Variants in MIDEAS observed in about 807,000 individuals in gnomAD.
The protein encoded by MIDEAS is mitotic deacetylase-associated SANT domain protein.
Under a neutral mutation model 102.7 loss-of-function variants are expected in MIDEAS, and 26 were observed. The observed-to-expected ratio is 0.25, with a 90% CI of 0.19 to 0.35. The LOEUF is 0.35. Among genes scored for constraint, MIDEAS ranks in the 10% least tolerant of loss-of-function variants. The probability of loss-of-function intolerance (pLI) is 1.00; values close to 1 mark genes in which losing one functional copy is unlikely to be tolerated. For missense variants in MIDEAS, 1,231 were observed against 1,435.6 expected (o/e 0.86, Z 2.30); for synonymous variants, 585 against 591.0 (o/e 0.99, Z 0.15).
At position 73,726,723 on chromosome 14, in the gene MIDEAS, C is replaced by G. The variant is rs771554444; in HGVS notation, c.2306-16G>C. On this transcript the variant is annotated splice_polypyrimidine_tract_variant and intron_variant, in intron 6 of 12. Transcript: ENST00000423556. Reference sequence around the variant, plus strand: ...AGGTCTTCCACTGGATCCACAGGAGCATGAGGAGGGAGGGGAGGAAACCAC... The same window carrying G: ...AGGTCTTCCACTGGATCCACAGGAGGATGAGGAGGGAGGGGAGGAAACCAC... 4.3e-6 allele frequency: 7 copies of G among 1,613,906 alleles called. No homozygotes were observed. The Admixed American group carries it at 1.2e-4, about 27-fold the overall frequency.
At chr14:73,744,055 A>C (rs2053317826) in intron 1 of MIDEAS, among the ~76,000 whole-genome samples, 1 of 146,712 alleles carries the variant, frequency 6.8e-6, no homozygotes, top group African/African-American at 2.7e-5. Flanking sequence ...TGCACCAGGA[A>C]AAAAAAATAA....
chr14:73,727,230 C>G (rs2140103424), intron 5 of MIDEAS: 1 of 630,036 alleles, frequency 1.6e-6, no homozygotes, highest in South Asian at 2.0e-5. Context: ...CCTTTCAACT[C>G]TCCTAGAGAT....
intron 2 of MIDEAS, 97 bp downstream of exon 2, chr14:73,738,463 G>A (rs2053232443): frequency 4.9e-6 from 7 of 1,415,700 alleles, no homozygotes; most frequent in African/African-American, 1.5e-5. Flanking sequence ...CTAGGGCAAA[G>A]TCTGGCTTTC....
upstream of MIDEAS, among the ~76,000 whole-genome samples, chr14:73,761,300 C>T (rs900523629): frequency 2.3e-4 from 35 of 152,322 alleles, no homozygotes; most frequent in African/African-American, 8.4e-4. Context: ...CTCACACACT[C>T]ACTGGGCCTA....
chr14:73,751,296 A>C (rs1056055230), intron 1 of MIDEAS, among the ~76,000 whole-genome samples: 5 of 152,160 alleles, frequency 3.3e-5, no homozygotes, highest in East Asian at 1.9e-4. Flanking sequence ...TTCCTCCCCC[A>C]AGAGTTTCAG....
chr14:73,720,689 A>G (rs909605112), intron 11 of MIDEAS, among the ~76,000 whole-genome samples: 2 of 152,188 alleles, frequency 1.3e-5, no homozygotes, highest in African/African-American at 4.8e-5. Flanking sequence ...GGCCTGTGAT[A>G]TGGTGGACAG....
At chr14:73,757,723 G>A (rs1192408935) in intron 1 of MIDEAS, among the ~76,000 whole-genome samples, 2 of 152,152 alleles carry the variant, frequency 1.3e-5, no homozygotes, top group African/African-American at 4.8e-5. Context: ...CAGAGGTCTT[G>A]GCACCCCTGG....
intron 3 of MIDEAS, among the ~76,000 whole-genome samples, chr14:73,736,107 C>T (rs970581758): frequency 1.3e-5 from 2 of 151,702 alleles, no homozygotes; most frequent in East Asian, 1.9e-4. Context: ...GCTGAGATCT[C>T]GCCATTGCAC....
chr14:73,751,909 A>T (rs909089921), intron 1 of MIDEAS, among the ~76,000 whole-genome samples: 11 of 152,068 alleles, frequency 7.2e-5, no homozygotes, highest in African/African-American at 2.4e-4. Flanking sequence ...TCAAAAAAAT[A>T]AATAAAGTCT....
At chr14:73,755,997 T>C (rs1226898841) in intron 1 of MIDEAS, among the ~76,000 whole-genome samples, 2 of 152,308 alleles carry the variant, frequency 1.3e-5, no homozygotes, top group African/African-American at 4.8e-5. Context: ...GTGAGGCAAC[T>C]GAGGCCCAAG....
At chr14:73,744,054 A>G (rs960570784) in intron 1 of MIDEAS, among the ~76,000 whole-genome samples, 2 of 134,642 alleles carry the variant, frequency 1.5e-5, no homozygotes, top group East Asian at 4.0e-4. Flanking sequence ...GTGCACCAGG[A>G]AAAAAAAATA....
Position 73,738,558 on chromosome 14 carries a change from ACC to A in MIDEAS, c.1449_1449+1del. 1.3e-6 allele frequency: 2 copies of A among 1,554,052 alleles called. No individual in the cohort carries two copies. Among genetic ancestry groups the A allele is most frequent in the Admixed American group, 3.7e-5 (2 of 53,510 alleles). On this transcript the variant is annotated splice_donor_variant and coding_sequence_variant, in exon 2 of 13. Transcript: ENST00000423556. LOFTEE classifies it high-confidence loss of function. The stretch of plus-strand genomic sequence containing the variant: ...TGTGGCTCCACTGCATGCCACTCTC[ACC>A]TTTGCATTCTGCAGTGAGGCCAGCT...
In MIDEAS at chr14:73,718,838, C is replaced by G. The variant is rs1232035976; in HGVS notation, c.*5G>C. On this transcript the variant is annotated 3_prime_UTR_variant, in exon 13 of 13. Transcript: ENST00000423556. ...CCCAGGACTGGGCCAGCCTGGCTCC[C>G]GCGCTCAGCCCTTGTCGCCCGCACC... 1.2e-5 allele frequency: 17 copies of G among 1,446,712 alleles called. No individual in the cohort carries two copies. Among genetic ancestry groups the G allele is most frequent in the Non-Finnish European group, 1.4e-5 (16 of 1,108,930 alleles). 89.6% of individuals were successfully genotyped at this position (1,446,712 alleles called of 1,614,324 possible). A position where few individuals can be genotyped will look rare whatever the true frequency, so the allele number is the denominator to read the frequency against.
At position 73,744,993 on chromosome 14, in the gene MIDEAS, C is replaced by G. The variant is rs150257114; in HGVS notation, c.-247-4738G>C. The stretch of plus-strand genomic sequence containing the variant: ...GCTCCACGGGGCAGGGTTGGCAGAC[C>G]GTTGTACCTTGGCACTTGGTTTGTA... On this transcript the variant is annotated intron_variant, in intron 1 of 12. Coordinates refer to ENST00000423556, the MANE Select transcript of MIDEAS (RefSeq NM_001367710.1). Among the ~76,000 whole-genome samples, 546 of 152,262 alleles carry G rather than the reference C, an allele frequency of 3.6e-3. 4 individuals carry two copies. Among genetic ancestry groups the G allele is most frequent in the Non-Finnish European group, 5.3e-3 (362 of 68,026 alleles).
chr14:73,743,043 A>G (rs1236025516), intron 1 of MIDEAS, among the ~76,000 whole-genome samples: 1 of 152,160 alleles, frequency 6.6e-6, no homozygotes, highest in African/African-American at 2.4e-5. Flanking sequence ...TAAGTTGCCT[A>G]CGGTCACACA....
In MIDEAS at chr14:73,739,530, T is replaced by A; in HGVS notation, c.479A>T (p.Asn160Ile). The A allele has an allele frequency of 6.2e-7, 1 of 1,614,036 alleles. No homozygotes were observed. Among genetic ancestry groups the A allele is most frequent in the Non-Finnish European group, 8.5e-7 (1 of 1,179,962 alleles). Residue 160 changes from asparagine (N) to isoleucine (I), a missense_variant, in exon 2 of 13, where the codon AAC becomes ATC. This residue lies in a region of MIDEAS where 758 missense variants were observed against 856.0 expected (regional missense o/e 0.89). Coordinates refer to ENST00000423556, the MANE Select transcript of MIDEAS (RefSeq NM_001367710.1). ...CTCCCGCTTCAGTGCCTCAGGGTGG[T>A]TATAGTAAGTCGGGACTCCCACTCC... Reference protein sequence around the residue: ...HPGVGVPTYYNHPEALKREKA... With the variant: ...HPGVGVPTYYIHPEALKREKA...
chr14:73,731,430 A>C (rs2053137811), intron 3 of MIDEAS, among the ~76,000 whole-genome samples: 1 of 152,170 alleles, frequency 6.6e-6, no homozygotes, highest in South Asian at 2.1e-4. Flanking sequence ...GATGAAATGA[A>C]ACTGTTCGTT....
At chr14:73,746,543 C>T (rs1257674533) in intron 1 of MIDEAS, among the ~76,000 whole-genome samples, 1 of 152,172 alleles carries the variant, frequency 6.6e-6, no homozygotes, top group Admixed American at 6.5e-5. Flanking sequence ...CCGCTGGGGT[C>T]CTTGCTCTGT....
chr14:73,718,808 C>G lies in MIDEAS; in HGVS notation c.*35G>C. 1.5e-6 allele frequency: 2 copies of G among 1,375,422 alleles called. No individual in the cohort carries two copies. The highest frequency in any genetic ancestry group is 3.7e-5 in the Admixed American group (1 of 27,314). The allele number at this position is 1,375,422 out of a possible 1,614,324, so 85.2% of individuals were successfully genotyped here. A position where few individuals can be genotyped will look rare whatever the true frequency, so the allele number is the denominator to read the frequency against. ...GCGCTGGCGGCGGTGCGGGAAGGGC[C>G]GAGGCCCAGGACTGGGCCAGCCTGG... On this transcript the variant is annotated 3_prime_UTR_variant, in exon 13 of 13. Transcript: ENST00000423556.
Sources: gnomAD v4.1 joint callset for allele counts (sites outside exome capture counted in the v4.1 genomes callset) on GRCh38, gnomAD v4.1.1 for gene constraint, gnomAD v4.1.1 regional missense constraint, MANE v1.5 for transcripts, NCBI Gene and HGNC (gene_info 2026-07-23, HGNC 2026-07-21) for gene names.